The following ZFPM2 variants were observed in gnomAD, a reference collection of about 807,000 sequenced individuals.
The protein encoded by ZFPM2 is zinc finger protein, FOG family member 2, also known as zinc finger protein ZFPM2.
Under a neutral mutation model 98.6 loss-of-function variants are expected in ZFPM2, and 20 were observed. The ratio of observed to expected loss-of-function variants is 0.20; its 90% confidence interval spans 0.14 to 0.29. The LOEUF (loss-of-function observed/expected upper bound fraction) is 0.29, where lower values mean the gene tolerates loss of function less well. ZFPM2 is among the 10% of genes least tolerant of loss of function. The pLI, the probability that ZFPM2 is intolerant of heterozygous loss-of-function variation, is 1.00. For missense variants in ZFPM2, 1,310 were observed against 1,388.6 expected, an observed-to-expected ratio of 0.94 and a Z score of 0.90; for synonymous variants, 518 against 502.7, an observed-to-expected ratio of 1.03 and a Z score of -0.41.
intron 3 of ZFPM2, among the ~76,000 whole-genome samples, chr8:105,503,548 C>T (rs1048556775): frequency 6.6e-6 from 1 of 152,102 alleles, no homozygotes; most frequent in Non-Finnish European, 1.5e-5. Context: ...ACTGGCCTGG[C>T]TCTATGCATT....
At chr8:105,424,670 C>T (rs1346646976) in intron 2 of ZFPM2, among the ~76,000 whole-genome samples, 4 of 151,898 alleles carry the variant, frequency 2.6e-5, no homozygotes, top group Non-Finnish European at 5.9e-5. Context: ...TAATTAATAC[C>T]AATTGAAAGC....
chr8:105,486,717 G>C (rs890756775), intron 3 of ZFPM2, among the ~76,000 whole-genome samples: 2 of 152,156 alleles, frequency 1.3e-5, no homozygotes, highest in Non-Finnish European at 2.9e-5. Context: ...GATATTGACA[G>C]ATAAAGACAA....
chr8:105,655,574 C>T (rs1309155963), intron 5 of ZFPM2, among the ~76,000 whole-genome samples: 4 of 151,954 alleles, frequency 2.6e-5, no homozygotes, highest in African/African-American at 9.7e-5. Context: ...GAATGGCGGA[C>T]AATGCTTTGT....
intron 2 of ZFPM2, among the ~76,000 whole-genome samples, chr8:105,429,409 A>G (rs1291768769): frequency 1.3e-5 from 2 of 149,976 alleles, no homozygotes; most frequent in Non-Finnish European, 2.9e-5. Flanking sequence ...GAGTGACCTA[A>G]GAAGGGAAAG....
chr8:105,801,965 C>A lies in ZFPM2; in HGVS notation c.1883C>A (p.Ser628Tyr), dbSNP rs373978860. Residue 628 changes from serine to tyrosine, a missense_variant, in exon 8 of 8, where the codon TCT (serine) becomes TAT (tyrosine). Ser to Tyr is a moderately radical substitution (Grantham distance 144). Transcript: ENST00000407775. ...NPLLQTSCIN[S>Y]STVLDLIGPN... ...CTTCTTCAAACATCTTGCATCAATTCTTCCACTGTCTTAGATTTAATTGGG... is the reference window on the plus strand; with the variant it reads ...CTTCTTCAAACATCTTGCATCAATTATTCCACTGTCTTAGATTTAATTGGG... The A allele has an allele frequency of 1.9e-6, 3 of 1,613,720 alleles. No individual in the cohort carries two copies. Among genetic ancestry groups the A allele is most frequent in the Non-Finnish European group, 2.5e-6 (3 of 1,179,870 alleles).
intron 5 of ZFPM2, among the ~76,000 whole-genome samples, chr8:105,766,603 A>C (rs1026009542): frequency 1.3e-5 from 2 of 151,844 alleles, no homozygotes; most frequent in African/African-American, 4.8e-5. Context: ...AGGTGAAGGA[A>C]AGGAGATTTG....
chr8:105,637,338 T>C (rs1816865336), intron 5 of ZFPM2, among the ~76,000 whole-genome samples: 1 of 152,080 alleles, frequency 6.6e-6, no homozygotes, highest in South Asian at 2.1e-4. Flanking sequence ...TATATTAAAG[T>C]GTGGCATTTC....
chr8:105,346,110 G>A (rs1306031452), intron 1 of ZFPM2, among the ~76,000 whole-genome samples: 1 of 152,114 alleles, frequency 6.6e-6, no homozygotes, highest in East Asian at 1.9e-4. Flanking sequence ...TCTTGGGCCG[G>A]CACAGTTGCT....
At chr8:105,635,205 C>T (rs1816823838) in intron 5 of ZFPM2, among the ~76,000 whole-genome samples, 1 of 152,156 alleles carries the variant, frequency 6.6e-6, no homozygotes, top group Non-Finnish European at 1.5e-5. Flanking sequence ...AATAGACCTA[C>T]TGAGATCAAA....
At chr8:105,437,021 A>G (rs568901886) in intron 2 of ZFPM2, among the ~76,000 whole-genome samples, 10 of 152,296 alleles carry the variant, frequency 6.6e-5, no homozygotes, top group African/African-American at 1.9e-4. Flanking sequence ...ATCATTTCAT[A>G]TGAGATTATT....
intron 5 of ZFPM2, among the ~76,000 whole-genome samples, chr8:105,692,786 A>G (rs1222522442): frequency 6.6e-6 from 1 of 152,232 alleles, no homozygotes; most frequent in Non-Finnish European, 1.5e-5. Context: ...ATGGAAGAAA[A>G]TGTTTATGAG....
chr8:105,592,858 T>A (rs1382870482), intron 4 of ZFPM2, among the ~76,000 whole-genome samples: 1 of 152,174 alleles, frequency 6.6e-6, no homozygotes, highest in Non-Finnish European at 1.5e-5. Context: ...ATTGAGCCAG[T>A]GATCCAATTT....
chr8:105,697,195 C>A (rs1811037250), intron 5 of ZFPM2, among the ~76,000 whole-genome samples: 3 of 152,130 alleles, frequency 2.0e-5, no homozygotes, highest in Non-Finnish European at 4.4e-5. Flanking sequence ...ACCTACCTCC[C>A]AAATTTGAAA....
At chr8:105,411,464 A>G (rs1811576073) in intron 1 of ZFPM2, among the ~76,000 whole-genome samples, 1 of 151,846 alleles carries the variant, frequency 6.6e-6, no homozygotes, top group Non-Finnish European at 1.5e-5. Flanking sequence ...TAGCATCCTC[A>G]GTAAATATTA....
intron 5 of ZFPM2, among the ~76,000 whole-genome samples, chr8:105,723,943 T>C (rs1811737525): frequency 6.6e-6 from 1 of 151,854 alleles, no homozygotes; most frequent in Non-Finnish European, 1.5e-5. Context: ...AACTTGTTTG[T>C]AGCCTCTTGG....
At chr8:105,603,913 T>C (rs926317259) in intron 4 of ZFPM2, among the ~76,000 whole-genome samples, 2 of 152,050 alleles carry the variant, frequency 1.3e-5, no homozygotes, top group African/African-American at 4.8e-5. Flanking sequence ...TCTGTTTTCT[T>C]GGCCAAGAAA....
intron 6 of ZFPM2, among the ~76,000 whole-genome samples, chr8:105,789,513 T>C (rs571237674): frequency 6.6e-6 from 1 of 152,302 alleles, no homozygotes; most frequent in East Asian, 1.9e-4. Flanking sequence ...GTTCCAAGTC[T>C]TTCCTATTGT....
chr8:105,725,180 C>T (rs1387178078), intron 5 of ZFPM2, among the ~76,000 whole-genome samples: 1 of 151,708 alleles, frequency 6.6e-6, no homozygotes, highest in East Asian at 2.0e-4. Context: ...TTTGCTTTTC[C>T]AATCAGTTTC....
chr8:105,699,420 A>G (rs1811092307), intron 5 of ZFPM2, among the ~76,000 whole-genome samples: 1 of 152,168 alleles, frequency 6.6e-6, no homozygotes, highest in South Asian at 2.1e-4. Context: ...TTATATGAGA[A>G]TAATTCATAT....
Sources: gnomAD v4.1 joint callset for allele counts (sites outside exome capture counted in the v4.1 genomes callset) on GRCh38, gnomAD v4.1.1 for gene constraint, MANE v1.5 for transcripts, NCBI Gene and HGNC (gene_info 2026-07-23, HGNC 2026-07-21) for gene names.